CFAP54: variants seen among roughly 807,000 people sequenced by gnomAD.
CFAP54 encodes cilia and flagella associated protein 54.
A neutral mutation model predicts 370.4 loss-of-function variants in CFAP54; 290 were observed. That is an observed-to-expected ratio of 0.78 (90% CI 0.71 to 0.86). CFAP54 has a LOEUF of 0.86. Ranked by LOEUF, CFAP54 falls within the 40% of genes least tolerant of loss-of-function variation. The pLI, the probability that CFAP54 is intolerant of heterozygous loss-of-function variation, is 0.00. For synonymous variants in CFAP54, 1,206 were observed against 1,236.5 expected, an observed-to-expected ratio of 0.98 and a Z score of 0.52; for missense variants, 3,399 against 3,528.7, an observed-to-expected ratio of 0.96 and a Z score of 0.93.
intron 63 of CFAP54, among the ~76,000 whole-genome samples, chr12:96,799,079 G>A (rs987204624): frequency 3.9e-5 from 6 of 152,096 alleles, no homozygotes; most frequent in African/African-American, 1.4e-4. Flanking sequence ...CCATATGGAT[G>A]GACATTTGCA....
chr12:96,572,696 C>T (rs993121221), intron 19 of CFAP54, among the ~76,000 whole-genome samples: 1 of 152,074 alleles, frequency 6.6e-6, no homozygotes, highest in Non-Finnish European at 1.5e-5. Flanking sequence ...TCTGTGGTTC[C>T]CAGTTCTTGC....
rs142479353 is a variant in CFAP54, at chr12:96,836,060, T to C, written c.9171+6972T>C. Among the ~76,000 whole-genome samples the C allele has an allele frequency of 2.7e-4, 41 of 152,286 alleles. No individual in the cohort carries two copies. The East Asian group carries it at 5.0e-3, about 19-fold the overall frequency. ...CCACAGCACAAGTAGGATAGTTGAC[T>C]GGAAGCAGAGGAAAAACACCTCTTT... On this transcript the variant is annotated intron_variant, in intron 66 of 67. Transcript: ENST00000524981.
At chr12:96,580,862 TAA>T in intron 21 of CFAP54, 56 bp from the exon 22 acceptor site, 12 of 1,276,710 alleles carry the variant, frequency 9.4e-6, no homozygotes, top group Non-Finnish European at 1.1e-5. Flanking sequence ...AATTGTATTT[TAA>T]AAGTCATGTT....
At chr12:96,772,372 C>A (rs148871810) in intron 60 of CFAP54, among the ~76,000 whole-genome samples, 6 of 152,170 alleles carry the variant, frequency 3.9e-5, no homozygotes, top group Admixed American at 3.3e-4. Context: ...TGTTTCCTTG[C>A]ATTTCCCAGC....
intron 60 of CFAP54, among the ~76,000 whole-genome samples, chr12:96,767,890 G>C (rs953634995): frequency 6.6e-6 from 1 of 152,166 alleles, no homozygotes; most frequent in Non-Finnish European, 1.5e-5. Flanking sequence ...TACTGTTACT[G>C]TATGTAGAGT....
chr12:96,499,992 C>T (rs949249054), intron 1 of CFAP54, among the ~76,000 whole-genome samples: 7 of 143,912 alleles, frequency 4.9e-5, no homozygotes, highest in Non-Finnish European at 7.7e-5. Flanking sequence ...CAAAAAAAAC[C>T]GTGCGCATCA....
chr12:96,832,581 T>A (rs1336709355), intron 66 of CFAP54, among the ~76,000 whole-genome samples: 7 of 152,172 alleles, frequency 4.6e-5, no homozygotes, highest in African/African-American at 1.7e-4. Context: ...TATATAATAA[T>A]AATCATCATC....
chr12:96,562,650 G>A (rs1318844302), intron 17 of CFAP54, among the ~76,000 whole-genome samples: 4 of 151,282 alleles, frequency 2.6e-5, no homozygotes, highest in Admixed American at 1.3e-4. Context: ...GGCTGGTCTC[G>A]GAACTCCTGA....
chr12:96,489,761 G>A lies in CFAP54; in HGVS notation c.152G>A (p.Cys51Tyr), dbSNP rs988820343. Residue 51 changes from cysteine (C) to tyrosine (Y), a missense_variant, in exon 1 of 68, where the codon TGC becomes TAC. Coordinates refer to ENST00000524981, the MANE Select transcript of CFAP54 (RefSeq NM_001306084.2). ...SSRSSLLQWT[C>Y]PEDSLPLAVF... Reference sequence around the variant, plus strand: ...CGGAGCTCGCTGCTTCAGTGGACCTGCCCCGAGGACTCATTGCCCCTAGCC... The same window carrying A: ...CGGAGCTCGCTGCTTCAGTGGACCTACCCCGAGGACTCATTGCCCCTAGCC... The A allele has an allele frequency of 3.3e-6, 5 of 1,536,018 alleles. No individual in the cohort carries two copies. In the African/African-American group the frequency reaches 5.5e-5, roughly 17 times the overall value.
chr12:96,604,576 A>C (rs910623874), intron 26 of CFAP54, among the ~76,000 whole-genome samples: 1 of 152,228 alleles, frequency 6.6e-6, no homozygotes, highest in Admixed American at 6.5e-5. Context: ...TGGAATCTAG[A>C]GAGGCAGTAG....
intron 5 of CFAP54, among the ~76,000 whole-genome samples, chr12:96,517,866 G>A (rs1367203763): frequency 6.6e-6 from 1 of 152,228 alleles, no homozygotes; most frequent in East Asian, 1.9e-4. Flanking sequence ...TATTTACCCT[G>A]GACGAGAGAG....
intron 34 of CFAP54, among the ~76,000 whole-genome samples, chr12:96,648,850 A>G (rs1956827912): frequency 6.6e-6 from 1 of 151,858 alleles, no homozygotes; most frequent in Admixed American, 6.6e-5. Flanking sequence ...TGCCTCCCAA[A>G]GTGTTGGAAT....
chr12:96,774,914 C>T (rs973301817), intron 60 of CFAP54, among the ~76,000 whole-genome samples: 1 of 152,080 alleles, frequency 6.6e-6, no homozygotes. Flanking sequence ...GCTACTGATG[C>T]CACTATATTT....
At chr12:96,560,632 T>C (rs573139834) in intron 17 of CFAP54, among the ~76,000 whole-genome samples, 16 of 152,284 alleles carry the variant, frequency 1.1e-4, no homozygotes, top group African/African-American at 3.8e-4. Flanking sequence ...GCTGTTTATA[T>C]TCCATTGTAT....
intron 66 of CFAP54, among the ~76,000 whole-genome samples, chr12:96,833,256 A>G (rs189033507): frequency 6.6e-6 from 1 of 152,342 alleles, no homozygotes; most frequent in Admixed American, 6.5e-5. Context: ...GTTGTCAGGT[A>G]GGATTCAAAC....
chr12:96,792,233 A>G, intron 62 of CFAP54, 96 bp from the exon 63 acceptor site: 1 of 1,060,026 alleles, frequency 9.4e-7, no homozygotes, highest in Non-Finnish European at 1.3e-6. Flanking sequence ...AAGCTGAGAC[A>G]ATCCCAGAAT....
intron 40 of CFAP54, among the ~76,000 whole-genome samples, chr12:96,680,759 T>C (rs925721218): frequency 1.3e-5 from 2 of 152,102 alleles, no homozygotes; most frequent in African/African-American, 4.8e-5. Flanking sequence ...ATATCCTGTT[T>C]GGCTTCTTTT....
intron 25 of CFAP54, among the ~76,000 whole-genome samples, chr12:96,595,200 T>C (rs1956165268): frequency 6.6e-6 from 1 of 152,152 alleles, no homozygotes; most frequent in Non-Finnish European, 1.5e-5. Flanking sequence ...TTCCACATCA[T>C]GGCCCTTTGC....
Position 96,651,545 on chromosome 12 carries a change from C to A in CFAP54, c.4873-43C>A, listed in dbSNP as rs535604340. 3 of 1,513,356 alleles carry A rather than the reference C, an allele frequency of 2.0e-6. No homozygotes were observed. In the East Asian group the frequency reaches 6.8e-5, roughly 34 times the overall value. 93.7% of individuals were successfully genotyped at this position (1,513,356 alleles called of 1,614,324 possible). A position where few individuals can be genotyped will look rare whatever the true frequency, so the allele number is the denominator to read the frequency against. On this transcript the variant is annotated intron_variant, in intron 35 of 67. Coordinates refer to ENST00000524981, the MANE Select transcript of CFAP54 (RefSeq NM_001306084.2). ...GATGAAGTTGTTCAGAGATCTGTAA[C>A]TTTTGGAACTTTGGGATCTTTTAAA...
Sources: gnomAD v4.1 joint callset for allele counts (sites outside exome capture counted in the v4.1 genomes callset) on GRCh38, gnomAD v4.1.1 for gene constraint, MANE v1.5 for transcripts, NCBI Gene and HGNC (gene_info 2026-07-23, HGNC 2026-07-21) for gene names.